Variants in ARHGAP17 observed in about 807,000 individuals in gnomAD.
The protein encoded by ARHGAP17 is rho GTPase-activating protein 17.
ARHGAP17 carries 57 observed loss-of-function variants against 99.5 expected under a neutral mutation model. The ratio of observed to expected loss-of-function variants is 0.57; its 90% CI spans 0.46 to 0.71. The LOEUF (loss-of-function observed/expected upper bound fraction) is 0.71, where lower values mean the gene tolerates loss of function less well. ARHGAP17 is among the 30% of genes least tolerant of loss of function. ARHGAP17 has a pLI of 0.00. For missense variants in ARHGAP17, 1,000 were observed against 1,122.4 expected, an observed-to-expected ratio of 0.89 and a Z score of 1.56; for synonymous variants, 417 against 429.6, an observed-to-expected ratio of 0.97 and a Z score of 0.36.
At chr16:25,005,312 A>AT (rs1205970606) in intron 1 of ARHGAP17, among the ~76,000 whole-genome samples, 3 of 152,228 alleles carry the variant, frequency 2.0e-5, no homozygotes, top group African/African-American at 4.8e-5. Context: ...GAAATCTTAG[A>AT]TTTTTTATAG....
chr16:24,924,227 G>A (rs1185510363), intron 19 of ARHGAP17, among the ~76,000 whole-genome samples: 1 of 151,958 alleles, frequency 6.6e-6, no homozygotes, highest in African/African-American at 2.4e-5. Flanking sequence ...AGAGATAAAG[G>A]TTATTTTAGA....
intron 14 of ARHGAP17, among the ~76,000 whole-genome samples, chr16:24,944,862 C>T (rs1403826316): frequency 5.9e-5 from 9 of 151,754 alleles, no homozygotes; most frequent in Admixed American, 2.0e-4. Flanking sequence ...GTGATCTGCC[C>T]GTCTCGGCCT....
chr16:25,011,430 C>T (rs1009525369), intron 1 of ARHGAP17, among the ~76,000 whole-genome samples: 3 of 152,256 alleles, frequency 2.0e-5, no homozygotes, highest in Non-Finnish European at 2.9e-5. Context: ...CGAGGCCAGG[C>T]GCAGTGGCTC....
chr16:24,924,280 C>T (rs901310976), intron 19 of ARHGAP17, among the ~76,000 whole-genome samples: 1 of 152,096 alleles, frequency 6.6e-6, no homozygotes, highest in Non-Finnish European at 1.5e-5. Flanking sequence ...CACCTCTAAA[C>T]GTCTCTGGCT....
chr16:25,001,413 G>A (rs2053356971), intron 1 of ARHGAP17, among the ~76,000 whole-genome samples: 2 of 152,110 alleles, frequency 1.3e-5, no homozygotes, highest in Admixed American at 1.3e-4. Flanking sequence ...AACCTTTAGA[G>A]CCTAGCCCAC....
intron 1 of ARHGAP17, among the ~76,000 whole-genome samples, chr16:25,002,971 G>A (rs997512141): frequency 8.1e-5 from 12 of 148,708 alleles, no homozygotes; most frequent in African/African-American, 2.2e-4. Flanking sequence ...CCCAGGAGAC[G>A]GAGGTTGCAG....
intron 1 of ARHGAP17, among the ~76,000 whole-genome samples, chr16:24,997,873 T>C (rs1185114771): frequency 1.3e-5 from 2 of 152,152 alleles, no homozygotes; most frequent in African/African-American, 4.8e-5. Flanking sequence ...GGTGGAGATA[T>C]CCAGTTCCCT....
chr16:24,926,728 G>A (rs1433293413), intron 19 of ARHGAP17, among the ~76,000 whole-genome samples: 1 of 152,134 alleles, frequency 6.6e-6, no homozygotes, highest in Admixed American at 6.5e-5. Context: ...GACAGTCTCA[G>A]GCTCACTAAA....
intron 17 of ARHGAP17, among the ~76,000 whole-genome samples, chr16:24,937,112 G>C (rs1235374115): frequency 2.1e-5 from 3 of 140,904 alleles, no homozygotes; most frequent in Non-Finnish European, 4.4e-5. Flanking sequence ...GCAAGACCCT[G>C]TCTGAAAAAA....
In ARHGAP17 at chr16:25,009,470, A is replaced by T. The variant is rs940653120; in HGVS notation, c.53+5739T>A. On this transcript the variant is annotated intron_variant, in intron 1 of 19. Coordinates refer to ENST00000289968, the MANE Select transcript of ARHGAP17 (RefSeq NM_001006634.3). ...AGGGATGCAGAATGTTACTGCTGGC[A>T]ACGTAAGGATAAGGTTTGTGATCAT... is the stretch of plus-strand genomic sequence containing the variant. 2.6e-5 allele frequency among the ~76,000 whole-genome samples: 4 copies of T among 152,198 alleles called. No homozygotes were observed. In the South Asian group the frequency reaches 8.3e-4, roughly 32 times the overall value.
intron 1 of ARHGAP17, among the ~76,000 whole-genome samples, chr16:24,988,912 G>A (rs1408481622): frequency 6.6e-6 from 1 of 152,158 alleles, no homozygotes. Context: ...GTACCTGCTT[G>A]GACCTGGAGG....
At chr16:24,957,472 A>G (rs1313988609) in intron 9 of ARHGAP17, 3 of 152,282 alleles carry the variant, frequency 2.0e-5, no homozygotes, top group Non-Finnish European at 2.9e-5. Flanking sequence ...AGAAATGAGC[A>G]ATATATAATC....
chr16:25,004,510 T>G (rs1228205529), intron 1 of ARHGAP17, among the ~76,000 whole-genome samples: 2 of 152,262 alleles, frequency 1.3e-5, no homozygotes, highest in East Asian at 3.8e-4. Context: ...ATATCCAAGC[T>G]GCTTGATTTA....
chr16:24,956,462 A>C (rs2051811310), intron 9 of ARHGAP17: 1 of 152,232 alleles, frequency 6.6e-6, no homozygotes, highest in Non-Finnish European at 1.5e-5. Flanking sequence ...GGGCAATTGA[A>C]TTGTGAAGGG....
chr16:24,937,932 C>T (rs978619748), intron 17 of ARHGAP17, among the ~76,000 whole-genome samples: 1 of 152,132 alleles, frequency 6.6e-6, no homozygotes, highest in African/African-American at 2.4e-5. Flanking sequence ...CATATGACAA[C>T]AAAAATTTTG....
chr16:25,015,136 C>A lies in ARHGAP17; in HGVS notation c.53+73G>T, dbSNP rs1241146267. 11 of 1,191,094 alleles carry A rather than the reference C, an allele frequency of 9.2e-6. No individual in the cohort carries two copies. In the East Asian group the frequency reaches 3.9e-4, roughly 42 times the overall value. The allele number at this position is 1,191,094 out of a possible 1,614,324, so 73.8% of individuals were successfully genotyped here. ...TCAGAGCCGCCGGACCGCGGAGGAG[C>A]CGTCCCGCCCCCGCGCCCTCCGCCC... On this transcript the variant is annotated intron_variant, in intron 1 of 19. Transcript: ENST00000289968.
chr16:24,987,058 C>A (rs1405137246), intron 1 of ARHGAP17, among the ~76,000 whole-genome samples: 4 of 152,204 alleles, frequency 2.6e-5, no homozygotes, highest in African/African-American at 9.7e-5. Flanking sequence ...AAACATATTT[C>A]GGGACAAGAC....
At chr16:24,996,632 A>G (rs2053200431) in intron 1 of ARHGAP17, among the ~76,000 whole-genome samples, 2 of 152,262 alleles carry the variant, frequency 1.3e-5, no homozygotes, top group South Asian at 2.1e-4. Context: ...AGTGGCTAAG[A>G]GCAAATATGC....
At chr16:24,968,226 C>A in intron 6 of ARHGAP17, 125 bp downstream of exon 6, 1 of 1,055,856 alleles carries the variant, frequency 9.5e-7, no homozygotes, top group South Asian at 1.4e-5. Context: ...TGCTGGCAGG[C>A]TGGCACCCAG....
Sources: allele counts gnomAD v4.1 joint callset (sites outside exome capture counted in the v4.1 genomes callset), GRCh38; gene constraint gnomAD v4.1.1; transcripts MANE v1.5; gene names NCBI Gene and HGNC (gene_info 2026-07-23, HGNC 2026-07-21).